BLMH: variants seen among roughly 807,000 people sequenced by gnomAD.
BLMH encodes BLM hydrolase.
A neutral mutation model predicts 61.6 loss-of-function variants in BLMH; 32 were observed. The ratio of observed to expected loss-of-function variants is 0.52; its 90% CI spans 0.39 to 0.70. BLMH has a LOEUF of 0.70. BLMH is among the 30% of genes least tolerant of loss of function. The pLI is 0.00. For synonymous variants in BLMH, 183 were observed against 193.8 expected, an observed-to-expected ratio of 0.94 and a Z score of 0.46; for missense variants, 460 against 555.5, an observed-to-expected ratio of 0.83 and a Z score of 1.73.
chr17:30,255,359 T>A (rs1039065059), intron 11 of BLMH, among the ~76,000 whole-genome samples: 2 of 152,188 alleles, frequency 1.3e-5, no homozygotes, highest in Non-Finnish European at 2.9e-5. Context: ...CTCCATGATG[T>A]CCACACAATC....
rs1030469746 is a variant in BLMH, at chr17:30,286,038, A to G, written c.553-558T>C. Among the ~76,000 whole-genome samples the G allele has an allele frequency of 7.9e-5, 12 of 152,342 alleles. No homozygotes were observed. In the East Asian group the frequency reaches 1.3e-3, roughly 17 times the overall value. ...TTCAAATGGAATCAAATGCCGTACT[A>G]TTAATGATCTTTTAGCCTTTGGATA... On this transcript the variant is annotated intron_variant, in intron 5 of 11. Coordinates refer to ENST00000261714, the MANE Select transcript of BLMH (RefSeq NM_000386.4).
chr17:30,273,131 G>A (rs895155809), intron 7 of BLMH: 1 of 421,862 alleles, frequency 2.4e-6, no homozygotes, highest in East Asian at 4.0e-5. Context: ...GCATCTACCT[G>A]TTTTTCCTAC....
chr17:30,267,284 C>T (rs1429206026), intron 10 of BLMH, among the ~76,000 whole-genome samples: 8 of 152,124 alleles, frequency 5.3e-5, no homozygotes. Flanking sequence ...CTAAGAAAAA[C>T]TATATTAACC....
intron 2 of BLMH, among the ~76,000 whole-genome samples, chr17:30,289,706 CAAAT>C (rs1242106124): frequency 6.6e-6 from 1 of 152,186 alleles, no homozygotes; most frequent in Non-Finnish European, 1.5e-5. Context: ...CTTTACGTAT[CAAAT>C]AAAGAATCCA....
intron 6 of BLMH, among the ~76,000 whole-genome samples, chr17:30,283,614 T>C (rs1271016537): frequency 1.3e-5 from 2 of 150,126 alleles, no homozygotes; most frequent in Middle Eastern, 3.4e-3. Context: ...CTCTGCCTCC[T>C]GGGTTCAAGT....
At chr17:30,271,545 A>G (rs1234883029) in intron 9 of BLMH, 157 bp from the exon 10 acceptor site, 4 of 591,494 alleles carry the variant, frequency 6.8e-6, no homozygotes, top group African/African-American at 1.9e-5. Flanking sequence ...TGGAACATGC[A>G]GAACTTAGTC....
chr17:30,253,431 T>G (rs1359976284), intron 11 of BLMH, among the ~76,000 whole-genome samples: 1 of 152,202 alleles, frequency 6.6e-6, no homozygotes, highest in Non-Finnish European at 1.5e-5. Context: ...CACAAAAACC[T>G]CACAGTCTAG....
intron 10 of BLMH, 125 bp from the exon 11 acceptor site, chr17:30,267,079 T>C (rs1307589429): frequency 2.6e-6 from 2 of 771,474 alleles, no homozygotes; most frequent in Admixed American, 2.1e-5. Context: ...CAGCCTGCTC[T>C]ATACAGGCAG....
intron 11 of BLMH, among the ~76,000 whole-genome samples, chr17:30,266,138 A>G (rs1017147960): frequency 1.6e-4 from 25 of 152,306 alleles, no homozygotes; most frequent in African/African-American, 5.8e-4. Context: ...ACAACTTCTA[A>G]GGAGTCTCTA....
intron 6 of BLMH, among the ~76,000 whole-genome samples, chr17:30,274,560 A>G (rs918945263): frequency 6.6e-6 from 1 of 152,216 alleles, no homozygotes; most frequent in East Asian, 1.9e-4. Context: ...AAAAATGACA[A>G]ATTTTATAAA....
intron 6 of BLMH, among the ~76,000 whole-genome samples, chr17:30,281,560 G>GT (rs1451667394): frequency 5.9e-5 from 9 of 152,050 alleles, no homozygotes; most frequent in South Asian, 2.1e-4. Flanking sequence ...TTTCCTATCT[G>GT]TAAGTTCACC....
intron 11 of BLMH, among the ~76,000 whole-genome samples, chr17:30,261,480 T>C (rs1907957907): frequency 6.6e-6 from 1 of 152,240 alleles, no homozygotes; most frequent in African/African-American, 2.4e-5. Flanking sequence ...TAGATTTATA[T>C]AACAATATAC....
chr17:30,272,641 G>A lies in BLMH; in HGVS notation c.961-13C>T. On this transcript the variant is annotated splice_polypyrimidine_tract_variant and intron_variant, in intron 8 of 11. Coordinates refer to ENST00000261714, the MANE Select transcript of BLMH (RefSeq NM_000386.4). The stretch of plus-strand genomic sequence containing the variant: ...CAAACCACACAGCCTAGAAACAGAA[G>A]AAAGAGGAAGAAAGTCAACATAAAC... 1 of 1,614,054 alleles carries A rather than the reference G, an allele frequency of 6.2e-7. No homozygotes were observed. Among genetic ancestry groups the A allele is most frequent in the Non-Finnish European group, 8.5e-7 (1 of 1,179,998 alleles).
At chr17:30,252,504 C>CT (rs1411304981) in intron 11 of BLMH, among the ~76,000 whole-genome samples, 1 of 133,058 alleles carries the variant, frequency 7.5e-6, no homozygotes, top group Non-Finnish European at 1.5e-5. Context: ...CAAGACCAGC[C>CT]TGGGCAACAT....
At chr17:30,253,615 C>T (rs1456446240) in intron 11 of BLMH, among the ~76,000 whole-genome samples, 3 of 152,038 alleles carry the variant, frequency 2.0e-5, no homozygotes, top group East Asian at 1.9e-4. Context: ...TTTTGACTTG[C>T]GGGAAGGTGC....
At chr17:30,268,723 T>A (rs140480729) in intron 10 of BLMH, among the ~76,000 whole-genome samples, 2,001 of 151,186 alleles carry the variant, frequency 0.013, 44 homozygotes, top group African/African-American at 0.042. Flanking sequence ...TTTGTTTTTT[T>A]AAAAACAAAC....
At chr17:30,291,724 C>G in intron 1 of BLMH, 83 bp downstream of exon 1, 2 of 1,415,868 alleles carry the variant, frequency 1.4e-6, no homozygotes, top group Non-Finnish European at 1.8e-6. Context: ...AGGGTCCCAG[C>G]CCCCGGCCTT....
At chr17:30,289,330 C>G in intron 3 of BLMH, 43 bp downstream of exon 3, 1 of 1,340,994 alleles carries the variant, frequency 7.5e-7, no homozygotes, top group Non-Finnish European at 1.0e-6. Flanking sequence ...CCTACCAAGG[C>G]TGATATCAAT....
intron 11 of BLMH, among the ~76,000 whole-genome samples, chr17:30,262,756 C>T (rs1182486992): frequency 6.6e-6 from 1 of 152,134 alleles, no homozygotes; most frequent in Non-Finnish European, 1.5e-5. Context: ...GATCGCGCCA[C>T]CGCACTCCAG....
Sources: allele counts gnomAD v4.1 joint callset (sites outside exome capture counted in the v4.1 genomes callset), GRCh38; gene constraint gnomAD v4.1.1; transcripts MANE v1.5; gene names NCBI Gene and HGNC (gene_info 2026-07-23, HGNC 2026-07-21).